The following EPHA7 variants were observed in gnomAD, a reference collection of about 807,000 sequenced individuals.
The protein encoded by EPHA7 is ephrin type-A receptor 7.
Under a neutral mutation model 112.6 loss-of-function variants are expected in EPHA7, and 25 were observed. The observed-to-expected ratio is 0.22, with a 90% confidence interval of 0.16 to 0.31. The LOEUF (loss-of-function observed/expected upper bound fraction) is 0.31. Among genes scored for constraint, EPHA7 ranks in the 10% least tolerant of loss-of-function variants. The probability of loss-of-function intolerance (pLI) is 1.00; values close to 1 mark genes in which losing one functional copy is unlikely to be tolerated. For missense variants in EPHA7, 962 were observed against 1,212.6 expected (o/e 0.79, Z 3.07); for synonymous variants, 437 against 406.5 (o/e 1.07, Z -0.90).
chr6:93,388,764 G>C lies in EPHA7; in HGVS notation c.832+21737C>G, dbSNP rs973266951. Reference sequence around the variant, plus strand: ...ATCACAGGGGGGAATAAAACATTTAGGATATTTATTCAGTGTCATTAGGTG... The same window carrying C: ...ATCACAGGGGGGAATAAAACATTTACGATATTTATTCAGTGTCATTAGGTG... On this transcript the variant is annotated intron_variant, in intron 3 of 16. Transcript: ENST00000369303. Among the ~76,000 whole-genome samples, 7 of 151,872 alleles carry C rather than the reference G, an allele frequency of 4.6e-5. 1 individual carries two copies. Among genetic ancestry groups the C allele is most frequent in the Admixed American group, 4.6e-4 (7 of 15,196 alleles).
chr6:93,295,740 ATAC>A (rs1186685172), intron 5 of EPHA7, among the ~76,000 whole-genome samples: 4 of 151,780 alleles, frequency 2.6e-5, no homozygotes, highest in African/African-American at 9.7e-5. Context: ...TCTATCATGT[ATAC>A]TACTATCTAT....
At chr6:93,366,929 C>A (rs1374887087) in intron 3 of EPHA7, among the ~76,000 whole-genome samples, 3 of 150,548 alleles carry the variant, frequency 2.0e-5, no homozygotes, top group African/African-American at 2.4e-5. Context: ...GAGTTCACCC[C>A]ATAGATTAAA....
intron 5 of EPHA7, among the ~76,000 whole-genome samples, chr6:93,341,318 T>C (rs574043432): frequency 6.6e-6 from 1 of 151,974 alleles, no homozygotes; most frequent in Non-Finnish European, 1.5e-5. Context: ...AAAACATTTA[T>C]GCATTTTTGC....
At chr6:93,368,818 G>A (rs949046418) in intron 3 of EPHA7, among the ~76,000 whole-genome samples, 1 of 152,048 alleles carries the variant, frequency 6.6e-6, no homozygotes, top group African/African-American at 2.4e-5. Context: ...TAGCTGTTTG[G>A]TGAAGACTCT....
chr6:93,386,819 T>C (rs1183840861), intron 3 of EPHA7, among the ~76,000 whole-genome samples: 1 of 152,182 alleles, frequency 6.6e-6, no homozygotes, highest in African/African-American at 2.4e-5. Context: ...GTGGCTTGCA[T>C]CCTCCAAAGC....
At position 93,357,002 on chromosome 6, in the gene EPHA7, C is replaced by T; in HGVS notation, c.1039G>A (p.Val347Ile). ...NLIFNINQTTVSLEWSPPADN... is the reference protein window; with the variant it reads ...NLIFNINQTTISLEWSPPADN... ...GCAGGAGGACTCCATTCCAAACTTACTGTGGTTTGGTTGATGTTGAAAATG... is the reference window on the plus strand; with the variant it reads ...GCAGGAGGACTCCATTCCAAACTTATTGTGGTTTGGTTGATGTTGAAAATG... Residue 347 changes from valine to isoleucine, a missense_variant, in exon 5 of 17, where the codon GTA (valine) becomes ATA (isoleucine). Around this residue, in one of 3 missense-constraint regions of EPHA7, gnomAD observed 746 missense variants for 889.2 expected, o/e 0.84. Transcript: ENST00000369303. 1.2e-6 allele frequency: 2 copies of T among 1,613,950 alleles called. No homozygotes were observed. Among genetic ancestry groups the T allele is most frequent in the Non-Finnish European group, 1.7e-6 (2 of 1,179,972 alleles).
intron 5 of EPHA7, among the ~76,000 whole-genome samples, chr6:93,315,808 T>C (rs1403855811): frequency 6.6e-6 from 1 of 152,204 alleles, no homozygotes; most frequent in Non-Finnish European, 1.5e-5. Context: ...CAGTGTGTTA[T>C]TTTACTTATG....
At chr6:93,389,473 G>T (rs993712492) in intron 3 of EPHA7, among the ~76,000 whole-genome samples, 1 of 151,932 alleles carries the variant, frequency 6.6e-6, no homozygotes, top group Non-Finnish European at 1.5e-5. Context: ...AAATATTCTT[G>T]ATAATTATTT....
At chr6:93,307,997 G>C (rs915674686) in intron 5 of EPHA7, among the ~76,000 whole-genome samples, 1 of 152,326 alleles carries the variant, frequency 6.6e-6, no homozygotes, top group Middle Eastern at 3.4e-3. Flanking sequence ...AGAATAAAGA[G>C]AGAATATGAT....
chr6:93,289,072 C>A (rs1772218629), intron 5 of EPHA7, among the ~76,000 whole-genome samples: 1 of 151,540 alleles, frequency 6.6e-6, no homozygotes, highest in South Asian at 2.1e-4. Context: ...TAAAATTTCC[C>A]TCTTGGATAG....
chr6:93,330,232 T>C (rs1310780673), intron 5 of EPHA7, among the ~76,000 whole-genome samples: 1 of 151,344 alleles, frequency 6.6e-6, no homozygotes, highest in African/African-American at 2.4e-5. Context: ...TGTGTAATGA[T>C]GAAATTAGAT....
At position 93,241,725 on chromosome 6, in the gene EPHA7, A is replaced by G. The variant is rs1480037432; in HGVS notation, c.*1701T>C. 3 of 223,542 alleles carry G rather than the reference A, an allele frequency of 1.3e-5. No homozygotes were observed. Among genetic ancestry groups the G allele is most frequent in the Non-Finnish European group, 9.0e-6 (1 of 111,590 alleles). 13.8% of individuals were successfully genotyped at this position (223,542 alleles called of 1,614,324 possible). A position where few individuals can be genotyped will look rare whatever the true frequency, so the allele number is the denominator to read the frequency against. On this transcript the variant is annotated 3_prime_UTR_variant, in exon 17 of 17. Transcript: ENST00000369303. ...TGGGAAAACACATTATGTAGCACTGAAAATACCTGTTCTTTTGTGATGCTC... is the reference window on the plus strand; with the variant it reads ...TGGGAAAACACATTATGTAGCACTGGAAATACCTGTTCTTTTGTGATGCTC...
intron 3 of EPHA7, among the ~76,000 whole-genome samples, chr6:93,396,569 C>T (rs548440507): frequency 1.3e-5 from 2 of 151,928 alleles, no homozygotes; most frequent in South Asian, 4.1e-4. Context: ...AAAGAGATTA[C>T]ATAACCCCAA....
At chr6:93,387,840 G>A (rs1345228953) in intron 3 of EPHA7, among the ~76,000 whole-genome samples, 1 of 151,942 alleles carries the variant, frequency 6.6e-6, no homozygotes, top group African/African-American at 2.4e-5. Context: ...ACTTGCATGA[G>A]GTCCCTCCCC....
intron 2 of EPHA7, among the ~76,000 whole-genome samples, chr6:93,414,198 A>C (rs929683790): frequency 6.6e-6 from 1 of 151,934 alleles, no homozygotes; most frequent in Non-Finnish European, 1.5e-5. Flanking sequence ...TGGAGAATCT[A>C]TATAATATTT....
At chr6:93,285,004 A>G (rs556942132) in intron 5 of EPHA7, among the ~76,000 whole-genome samples, 2 of 152,196 alleles carry the variant, frequency 1.3e-5, no homozygotes, top group African/African-American at 4.8e-5. Context: ...ATTAAAAAAA[A>G]GTACAGTTAA....
intron 5 of EPHA7, among the ~76,000 whole-genome samples, chr6:93,299,736 A>T (rs528074560): frequency 6.6e-6 from 1 of 152,210 alleles, no homozygotes; most frequent in Non-Finnish European, 1.5e-5. Context: ...ATGCCCATCA[A>T]TGAAAGACTG....
chr6:93,260,781 T>C, intron 9 of EPHA7: 1 of 969,616 alleles, frequency 1.0e-6, no homozygotes, highest in Non-Finnish European at 1.2e-6. Context: ...TTACTAAAGC[T>C]GAAGATGAAA....
rs150150827 is a variant in EPHA7, at chr6:93,323,100, A to G, written c.1324+33617T>C. On this transcript the variant is annotated intron_variant, in intron 5 of 16. Transcript: ENST00000369303. Reference sequence around the variant, plus strand: ...AATTAAAATAAACAACTTCAAATGCATAACATAGAATTTTTTGATTATACA... The same window carrying G: ...AATTAAAATAAACAACTTCAAATGCGTAACATAGAATTTTTTGATTATACA... Among the ~76,000 whole-genome samples, 528 of 151,790 alleles carry G rather than the reference A, an allele frequency of 3.5e-3. 2 individuals are homozygous for G. The highest frequency in any genetic ancestry group is 0.012 in the African/African-American group (506 of 41,474).
Sources: allele counts gnomAD v4.1 joint callset (sites outside exome capture counted in the v4.1 genomes callset), GRCh38; gene constraint gnomAD v4.1.1; regional missense constraint gnomAD v4.1.1; transcripts MANE v1.5; gene names NCBI Gene and HGNC (gene_info 2026-07-23, HGNC 2026-07-21).